Variants in ZRANB1 observed in about 807,000 individuals in gnomAD.
The protein encoded by ZRANB1 is zinc finger RANBP2-type containing 1, also known as ubiquitin thioesterase ZRANB1.
ZRANB1 carries 16 observed loss-of-function variants against 80.5 expected under a neutral mutation model. That is an observed-to-expected ratio of 0.20 (90% CI 0.13 to 0.30). The LOEUF (loss-of-function observed/expected upper bound fraction) is 0.30, where lower values mean the gene tolerates loss of function less well. Ranked by LOEUF, ZRANB1 falls within the 10% of genes least tolerant of loss-of-function variation. ZRANB1 has a pLI of 1.00. For missense variants in ZRANB1, 576 were observed against 862.6 expected (o/e 0.67, Z 4.16); for synonymous variants, 291 against 293.1 (o/e 0.99, Z 0.07).
chr10:124,932,280 GAT>G, the ZRANB1 span, among the ~76,000 whole-genome samples: 2 of 126,846 alleles, frequency 1.6e-5, no homozygotes, highest in African/African-American at 3.1e-5. Flanking sequence ...CGGGTGTAAA[GAT>G]TTTTTTTTTT....
In ZRANB1 at chr10:124,972,221, A is replaced by G. The variant is rs78649529; in HGVS notation, c.1156+103A>G. On this transcript the variant is annotated intron_variant, in intron 3 of 8. Transcript: ENST00000359653. The stretch of plus-strand genomic sequence containing the variant: ...CTGTTAGAAAGCACATAACATAGCT[A>G]CTGTATGTGCATCTTAAATTACTTG... The G allele has an allele frequency of 6.7e-3, 6,913 of 1,035,916 alleles. 82 individuals carry two copies. Among genetic ancestry groups the G allele is most frequent in the East Asian group, 0.038 (1,517 of 39,970 alleles). The allele number at this position is 1,035,916 out of a possible 1,614,324, so 64.2% of individuals were successfully genotyped here.
chr10:124,960,138 A>G (rs923061623), intron 1 of ZRANB1, among the ~76,000 whole-genome samples: 1 of 152,076 alleles, frequency 6.6e-6, no homozygotes, highest in African/African-American at 2.4e-5. Flanking sequence ...GGATTATTGG[A>G]TACATGGGGT....
At chr10:124,936,038 A>G in the ZRANB1 span, among the ~76,000 whole-genome samples, 133 of 152,302 alleles carry the variant, frequency 8.7e-4, 3 homozygotes, top group South Asian at 0.026. Flanking sequence ...ACTGAGCCTT[A>G]AAGGATGGGT....
At chr10:124,963,537 GTTTTTTTTTTTTGTTTGTTTTTTTTTTT>G (rs988531494) in intron 1 of ZRANB1, among the ~76,000 whole-genome samples, 3 of 93,476 alleles carry the variant, frequency 3.2e-5, no homozygotes, top group African/African-American at 3.6e-5. Context: ...ATATTGTAAG[GTTTTTTTTTTTTGTTTGTTTTTTTTTTT>G]TTTTTTTTTT....
the ZRANB1 span, among the ~76,000 whole-genome samples, chr10:124,918,192 A>AT: frequency 7.1e-4 from 107 of 151,610 alleles, no homozygotes; most frequent in Non-Finnish European, 1.2e-3. Flanking sequence ...ATTGGAGATA[A>AT]TTTTTTTTTG....
chr10:124,929,938 C>CT, the ZRANB1 span, among the ~76,000 whole-genome samples: 1 of 108,074 alleles, frequency 9.3e-6, no homozygotes, highest in Non-Finnish European at 1.8e-5. Flanking sequence ...GAGCGAGACT[C>CT]TGTCTCAAAA....
chr10:124,974,087 T>C, intron 4 of ZRANB1, 113 bp from the exon 5 acceptor site: 1 of 990,360 alleles, frequency 1.0e-6, no homozygotes, highest in Admixed American at 2.6e-5. Flanking sequence ...TAGGTGTTTA[T>C]TGGTAAATTA....
chr10:124,932,684 G>T, the ZRANB1 span, among the ~76,000 whole-genome samples: 1 of 151,746 alleles, frequency 6.6e-6, no homozygotes, highest in Non-Finnish European at 1.5e-5. Flanking sequence ...GTATGTGGTG[G>T]TATCTAATTG....
At chr10:124,954,232 C>T (rs946218141) in intron 1 of ZRANB1, among the ~76,000 whole-genome samples, 3 of 146,640 alleles carry the variant, frequency 2.0e-5, no homozygotes, top group East Asian at 2.0e-4. Flanking sequence ...GTGATCAGCC[C>T]GATTCAGCCT....
At chr10:124,940,489 C>T (rs183444023), upstream of ZRANB1, 43 of 1,287,742 alleles carry the variant, frequency 3.3e-5, no homozygotes, top group East Asian at 1.1e-4. Context: ...ATTTGCAAAC[C>T]GTACTTTTAT....
Position 124,984,825 on chromosome 10 carries a change from T to C in ZRANB1, c.1960T>C (p.Cys654Arg). Residue 654 changes from cysteine (C) to arginine (R), a missense_variant, in exon 9 of 9, where the codon TGT becomes CGT. By Grantham distance (180) the Cys-to-Arg change is radical. This residue lies in a region of ZRANB1 where 152 missense variants were observed against 221.9 expected (regional missense o/e 0.69). Coordinates refer to ENST00000359653, the MANE Select transcript of ZRANB1 (RefSeq NM_017580.3). ...EKLLREWLDC[C>R]VTEGGVLVAM... Reference sequence around the variant, plus strand: ...ACTGCTCAGGGAGTGGCTGGACTGCTGTGTGACGGAGGGGGGAGTTCTGGT... The same window carrying C: ...ACTGCTCAGGGAGTGGCTGGACTGCCGTGTGACGGAGGGGGGAGTTCTGGT... 6.2e-7 allele frequency: 1 copy of C among 1,614,006 alleles called. No individual in the cohort carries two copies. The highest frequency in any genetic ancestry group is 8.5e-7 in the Non-Finnish European group (1 of 1,180,004).
rs771212604 is a variant in ZRANB1 at position 124,943,179 on chromosome 10, A to G, written c.686A>G (p.Asp229Gly). 3 of 1,614,192 alleles carry G rather than the reference A, an allele frequency of 1.9e-6. No homozygotes were observed. The highest frequency in any genetic ancestry group is 2.5e-6 in the Non-Finnish European group (3 of 1,180,042). ...AAGCGGGACTCTGAAGTGAAAATGG[A>G]TTTTCAGAGGATTGAATTGGCTGGT... ...ATKRDSEVKMDFQRIELAGAV... is the reference protein window; with the variant it reads ...ATKRDSEVKMGFQRIELAGAV... Residue 229 changes from aspartate (D) to glycine (G), a missense_variant, in exon 1 of 9, where the codon GAT (aspartate) becomes GGT (glycine). This residue lies in a region of ZRANB1 where 411 missense variants were observed against 583.1 expected (regional missense o/e 0.70). Transcript: ENST00000359653.
chr10:124,939,440 T>G (rs1951515985), upstream of ZRANB1, among the ~76,000 whole-genome samples: 1 of 152,164 alleles, frequency 6.6e-6, no homozygotes, highest in Non-Finnish European at 1.5e-5. Context: ...CTGTCCATTA[T>G]TTTACCAGGC....
rs988693172 is a variant in ZRANB1 at position 124,970,846 on chromosome 10, T to G, written c.1003-1119T>G. On this transcript the variant is annotated intron_variant, in intron 2 of 8. Coordinates refer to ENST00000359653, the MANE Select transcript of ZRANB1 (RefSeq NM_017580.3). ...ATTCTCTTTGGGGTTTTTTTTTTTT[T>G]TTTTTTTTTTTGGCAGAGTCTCTCT... 6.7e-3 allele frequency among the ~76,000 whole-genome samples: 973 copies of G among 144,234 alleles called. 12 individuals carry two copies. Among genetic ancestry groups the G allele is most frequent in the African/African-American group, 0.024 (919 of 38,452 alleles). 94.6% of individuals were successfully genotyped at this position (144,234 alleles called of 152,430 possible). A position where few individuals can be genotyped will look rare whatever the true frequency, so the allele number is the denominator to read the frequency against.
intron 1 of ZRANB1, among the ~76,000 whole-genome samples, chr10:124,949,423 GTA>G (rs1386808978): frequency 2.9e-5 from 4 of 140,152 alleles, no homozygotes; most frequent in Non-Finnish European, 4.6e-5. Flanking sequence ...ACATATATAT[GTA>G]TATATATATG....
intron 2 of ZRANB1, among the ~76,000 whole-genome samples, chr10:124,967,974 C>T (rs1358353748): frequency 6.6e-6 from 1 of 151,612 alleles, no homozygotes; most frequent in Non-Finnish European, 1.5e-5. Flanking sequence ...TCTTGGCTTA[C>T]TGCAGCCTCT....
upstream of ZRANB1, among the ~76,000 whole-genome samples, chr10:124,938,826 C>T (rs1336986362): frequency 6.6e-6 from 1 of 152,032 alleles, no homozygotes; most frequent in Non-Finnish European, 1.5e-5. Flanking sequence ...CCTTCCTTGG[C>T]CTCCTGAGTA....
At chr10:124,939,192 G>GTT (rs78940070), upstream of ZRANB1, among the ~76,000 whole-genome samples, 1,865 of 134,364 alleles carry the variant, frequency 0.014, 40 homozygotes, top group African/African-American at 0.046. Flanking sequence ...CAAAAATCGT[G>GTT]TTTTTTTTTT....
At chr10:124,937,608 G>T (rs374890617), upstream of ZRANB1, among the ~76,000 whole-genome samples, 188 of 152,280 alleles carry the variant, frequency 1.2e-3, 3 homozygotes, top group South Asian at 0.038. Flanking sequence ...ACAGTGTTTA[G>T]TAATGCTTCA....
Sources: allele counts gnomAD v4.1 joint callset (sites outside exome capture counted in the v4.1 genomes callset), GRCh38; gene constraint gnomAD v4.1.1; regional missense constraint gnomAD v4.1.1; transcripts MANE v1.5; gene names NCBI Gene and HGNC (gene_info 2026-07-23, HGNC 2026-07-21).